GFRA1: variants seen among roughly 807,000 people sequenced by gnomAD.
GFRA1 encodes GDNF family receptor alpha-1.
A neutral mutation model predicts 51.6 loss-of-function variants in GFRA1; 16 were observed. The observed-to-expected ratio is 0.31, with a 90% confidence interval of 0.21 to 0.47. The LOEUF (loss-of-function observed/expected upper bound fraction) is 0.47, where lower values mean the gene tolerates loss of function less well. GFRA1 is among the 20% of genes least tolerant of loss of function. The pLI, the probability that GFRA1 is intolerant of heterozygous loss-of-function variation, is 1.00. For synonymous variants in GFRA1, 270 were observed against 241.3 expected, an observed-to-expected ratio of 1.12 and a Z score of -1.10; for missense variants, 530 against 594.3, an observed-to-expected ratio of 0.89 and a Z score of 1.13.
chr10:116,163,757 C>A (rs568514112), intron 5 of GFRA1, among the ~76,000 whole-genome samples: 3 of 152,156 alleles, frequency 2.0e-5, no homozygotes, highest in South Asian at 2.1e-4. Flanking sequence ...GGCAGGGGAT[C>A]TGGATGAGCC....
intron 9 of GFRA1, among the ~76,000 whole-genome samples, chr10:116,078,222 C>G (rs1004367038): frequency 2.0e-5 from 3 of 152,256 alleles, no homozygotes; most frequent in Non-Finnish European, 4.4e-5. Context: ...GGGTAATACC[C>G]AATTTTGAGC....
Position 116,259,528 on chromosome 10 carries a change from G to A in GFRA1, c.418+9975C>T, listed in dbSNP as rs988154930. 3.3e-5 allele frequency among the ~76,000 whole-genome samples: 5 copies of A among 152,176 alleles called. No individual in the cohort carries two copies. In the East Asian group the frequency reaches 9.7e-4, roughly 29 times the overall value. ...AGTACGCGTGTTCTGGATTTTGGTT[G>A]TCAATTAAGAACCCATCAGACGGCA... On this transcript the variant is annotated intron_variant, in intron 4 of 10. Coordinates refer to ENST00000355422, the MANE Select transcript of GFRA1 (RefSeq NM_005264.8).
At chr10:116,148,077 T>TGCGTGTGTGCATGCGTGTGTGCAG (rs1491555838) in intron 5 of GFRA1, among the ~76,000 whole-genome samples, 1 of 34,182 alleles carries the variant, frequency 2.9e-5, no homozygotes, top group African/African-American at 1.0e-4. Context: ...CGTGTGTGCA[T>TGCGTGTGTGCATGCGTGTGTGCAG]GTGTGTGTGT....
chr10:116,112,460 G>C (rs1411217486), intron 6 of GFRA1, among the ~76,000 whole-genome samples: 1 of 152,172 alleles, frequency 6.6e-6, no homozygotes, highest in East Asian at 1.9e-4. Flanking sequence ...CTGCCCCTGA[G>C]ATGGCCCACA....
intron 9 of GFRA1, among the ~76,000 whole-genome samples, chr10:116,083,438 T>G (rs1397875974): frequency 1.3e-5 from 2 of 152,252 alleles, no homozygotes. Flanking sequence ...AGCATCCCAT[T>G]GCTCTGCTAG....
At chr10:116,194,417 ACT>A (rs1183066632) in intron 5 of GFRA1, among the ~76,000 whole-genome samples, 3 of 152,168 alleles carry the variant, frequency 2.0e-5, no homozygotes, top group African/African-American at 7.2e-5. Flanking sequence ...CCCAGTAGAC[ACT>A]CTGTTTTCTA....
chr10:116,205,422 A>G (rs1964656108), intron 5 of GFRA1, among the ~76,000 whole-genome samples: 1 of 151,888 alleles, frequency 6.6e-6, no homozygotes, highest in African/African-American at 2.4e-5. Context: ...TAAAAATAAA[A>G]AAATTAGCTG....
intron 5 of GFRA1, among the ~76,000 whole-genome samples, chr10:116,144,322 GT>G (rs1254056144): frequency 6.6e-6 from 1 of 151,876 alleles, no homozygotes; most frequent in Admixed American, 6.6e-5. Flanking sequence ...CATTCATAGT[GT>G]TTACTAACAT....
At chr10:116,101,354 G>T (rs1956810841) in intron 6 of GFRA1, among the ~76,000 whole-genome samples, 1 of 152,094 alleles carries the variant, frequency 6.6e-6, no homozygotes, top group Admixed American at 6.5e-5. Flanking sequence ...TTTTCTCCGA[G>T]AAAATGAAAA....
intron 5 of GFRA1, among the ~76,000 whole-genome samples, chr10:116,143,222 G>C (rs982181230): frequency 5.9e-5 from 9 of 152,068 alleles, no homozygotes; most frequent in African/African-American, 2.2e-4. Context: ...AAGAGGGAAA[G>C]CTGGAGTATT....
At chr10:116,164,366 A>G (rs1960155851) in intron 5 of GFRA1, among the ~76,000 whole-genome samples, 1 of 151,022 alleles carries the variant, frequency 6.6e-6, no homozygotes, top group Non-Finnish European at 1.5e-5. Context: ...CAAAAACCTC[A>G]TATTGTTTTG....
At chr10:116,092,134 C>CACACAT in intron 8 of GFRA1, among the ~76,000 whole-genome samples, 1 of 146,174 alleles carries the variant, frequency 6.8e-6, no homozygotes, top group South Asian at 2.2e-4. Context: ...CACACACACA[C>CACACAT]ACACATTTTC....
At chr10:116,092,193 A>C (rs982588047) in intron 8 of GFRA1, among the ~76,000 whole-genome samples, 14 of 151,476 alleles carry the variant, frequency 9.2e-5, no homozygotes, top group Non-Finnish European at 1.9e-4. Context: ...GGTATGCCCC[A>C]ATGTCGTAGT....
intron 5 of GFRA1, among the ~76,000 whole-genome samples, chr10:116,166,780 CTTTTTTTTTTTTTTTTTTTTT>C (rs530399969): frequency 1.3e-5 from 1 of 76,384 alleles, no homozygotes; most frequent in African/African-American, 5.9e-5. Context: ...CAACAATCTT[CTTTTTTTTTTTTTTTTTTTTT>C]TTTTTTTTTT....
At chr10:116,140,174 C>A (rs10885862) in intron 5 of GFRA1, among the ~76,000 whole-genome samples, 28,651 of 152,030 alleles carry the variant, frequency 0.19, 2,730 homozygotes, top group Admixed American at 0.22. Context: ...GAAGAGGGGA[C>A]TGGCTTGACT....
intron 5 of GFRA1, among the ~76,000 whole-genome samples, chr10:116,170,133 C>T (rs1960885605): frequency 6.6e-6 from 1 of 152,174 alleles, no homozygotes; most frequent in Admixed American, 6.5e-5. Context: ...GTCTCAATTG[C>T]TAATCAAAGG....
At chr10:116,134,927 G>T (rs183215802) in intron 5 of GFRA1, among the ~76,000 whole-genome samples, 3 of 152,170 alleles carry the variant, frequency 2.0e-5, no homozygotes, top group East Asian at 1.9e-4. Flanking sequence ...TTGCTGCTGC[G>T]CAATGATTAA....
At chr10:116,108,056 G>A (rs757563214) in intron 6 of GFRA1, among the ~76,000 whole-genome samples, 3 of 152,040 alleles carry the variant, frequency 2.0e-5, no homozygotes, top group East Asian at 1.9e-4. Flanking sequence ...GCCCTGGGAG[G>A]GGGTGGGGAA....
chr10:116,151,443 T>A (rs955167347), intron 5 of GFRA1, among the ~76,000 whole-genome samples: 5 of 151,958 alleles, frequency 3.3e-5, no homozygotes, highest in Admixed American at 1.3e-4. Context: ...CCCCACTACA[T>A]CACCACCACT....
Sources: gnomAD v4.1 joint callset for allele counts (sites outside exome capture counted in the v4.1 genomes callset) on GRCh38, gnomAD v4.1.1 for gene constraint, MANE v1.5 for transcripts, NCBI Gene and HGNC (gene_info 2026-07-23, HGNC 2026-07-21) for gene names.